LCORL: variants seen among roughly 807,000 people sequenced by gnomAD.
LCORL encodes the protein ligand-dependent nuclear receptor corepressor-like protein.
Under a neutral mutation model 141.8 loss-of-function variants are expected in LCORL, and 41 were observed. The observed-to-expected ratio is 0.29, with a 90% confidence interval of 0.23 to 0.38. The LOEUF (loss-of-function observed/expected upper bound fraction) is 0.38, where lower values mean the gene tolerates loss of function less well. Ranked by LOEUF, LCORL falls within the 10% of genes least tolerant of loss-of-function variation. The pLI, the probability that LCORL is intolerant of heterozygous loss-of-function variation, is 1.00. For missense variants in LCORL, 1,759 were observed against 2,035.0 expected, an observed-to-expected ratio of 0.86 and a Z score of 2.61; for synonymous variants, 618 against 694.1, an observed-to-expected ratio of 0.89 and a Z score of 1.72.
At chr4:17,960,726 G>A (rs548031769) in intron 4 of LCORL, among the ~76,000 whole-genome samples, 2 of 152,164 alleles carry the variant, frequency 1.3e-5, no homozygotes, top group East Asian at 3.9e-4. Context: ...TGTTAGCTGG[G>A]ACTATAGGTA....
chr4:17,904,160 T>C (rs1246524168), intron 5 of LCORL, among the ~76,000 whole-genome samples: 1 of 152,032 alleles, frequency 6.6e-6, no homozygotes, highest in East Asian at 1.9e-4. Flanking sequence ...TGAATTACCA[T>C]CTCTTATAAT....
At chr4:17,860,330 C>A (rs1000853097) in intron 7 of LCORL, among the ~76,000 whole-genome samples, 1 of 152,112 alleles carries the variant, frequency 6.6e-6, no homozygotes, top group Non-Finnish European at 1.5e-5. Flanking sequence ...GCTGGGGAAG[C>A]CTCACAATCA....
chr4:17,936,888 C>T (rs1736955019), intron 4 of LCORL, among the ~76,000 whole-genome samples: 1 of 152,090 alleles, frequency 6.6e-6, no homozygotes, highest in Admixed American at 6.5e-5. Context: ...CAGGAAGTTC[C>T]TAATCACCAC....
At chr4:17,844,789 G>A (rs776846934) in exon 8 of LCORL, 1 of 152,366 alleles carries the variant, frequency 6.6e-6, no homozygotes, top group Non-Finnish European at 1.5e-5. Context: ...CAAAAAGAAA[G>A]GAGCCATGTT....
intron 1 of LCORL, among the ~76,000 whole-genome samples, chr4:18,011,748 G>A (rs1577732031): frequency 2.0e-5 from 3 of 152,168 alleles, no homozygotes; most frequent in South Asian, 2.1e-4. Flanking sequence ...CTTTCTTTTG[G>A]ACTACAACAG....
At chr4:17,883,905 T>C in intron 6 of LCORL, 2 of 1,550,710 alleles carry the variant, frequency 1.3e-6, no homozygotes, top group Non-Finnish European at 1.7e-6. Flanking sequence ...GAAACACTCA[T>C]TTTTCCGCTC....
At chr4:17,976,050 C>A (rs888195527) in intron 1 of LCORL, among the ~76,000 whole-genome samples, 1 of 152,076 alleles carries the variant, frequency 6.6e-6, no homozygotes, top group African/African-American at 2.4e-5. Context: ...TGTCCTTGTT[C>A]TATTGTGTCT....
At chr4:17,865,474 G>C (rs191110717) in intron 7 of LCORL, among the ~76,000 whole-genome samples, 11 of 152,096 alleles carry the variant, frequency 7.2e-5, no homozygotes, top group Non-Finnish European at 1.3e-4. Flanking sequence ...AATTACAGGC[G>C]TGAGTACTGC....
chr4:18,000,743 C>T (rs1447558966), intron 1 of LCORL, among the ~76,000 whole-genome samples: 1 of 152,104 alleles, frequency 6.6e-6, no homozygotes, highest in Non-Finnish European at 1.5e-5. Flanking sequence ...AGTGAGAATA[C>T]TATTCATATT....
At chr4:17,878,301 T>C in intron 6 of LCORL, 88 bp from the exon 7 acceptor site, 3 of 942,112 alleles carry the variant, frequency 3.2e-6, no homozygotes, top group African/African-American at 1.7e-5. Flanking sequence ...AAAAAAGATA[T>C]TTTGGTATTG....
chr4:18,001,388 A>G (rs1721935510), intron 1 of LCORL, among the ~76,000 whole-genome samples: 1 of 152,154 alleles, frequency 6.6e-6, no homozygotes, highest in African/African-American at 2.4e-5. Context: ...AGAATGAAAA[A>G]CGGAAAGGCT....
rs147290667 is a variant in LCORL, at chr4:17,862,135, T to C, written c.5602+11253A>G. 2.2e-4 allele frequency among the ~76,000 whole-genome samples: 33 copies of C among 152,276 alleles called. No individual in the cohort carries two copies. In the East Asian group the frequency reaches 4.8e-3, roughly 22 times the overall value. ...CACCCCACTCTTGGTACCAATTTACTGTATTATTCCATTTTCATGCTGCTG... is the reference window on the plus strand; with the variant it reads ...CACCCCACTCTTGGTACCAATTTACCGTATTATTCCATTTTCATGCTGCTG... On this transcript the variant is annotated intron_variant, in intron 7 of 7. Transcript: ENST00000635767.
chr4:18,010,446 A>ATG (rs989779156), intron 1 of LCORL, among the ~76,000 whole-genome samples: 2 of 151,530 alleles, frequency 1.3e-5, no homozygotes, highest in Admixed American at 6.6e-5. Flanking sequence ...ATATGTATGT[A>ATG]TGTGTGTATA....
chr4:17,932,241 A>G (rs1483788141), intron 4 of LCORL, among the ~76,000 whole-genome samples: 1 of 152,136 alleles, frequency 6.6e-6, no homozygotes, highest in African/African-American at 2.4e-5. Context: ...TTAACAGGGG[A>G]GTTCAATGTT....
intron 6 of LCORL, chr4:17,880,601 T>TTTTTC: frequency 1.0e-6 from 1 of 977,056 alleles, no homozygotes; most frequent in Non-Finnish European, 1.2e-6. Context: ...GTAGTCAGTT[T>TTTTTC]TTTTCTTTTC....
intron 4 of LCORL, among the ~76,000 whole-genome samples, chr4:17,959,132 A>G (rs1274631761): frequency 1.3e-5 from 2 of 152,058 alleles, no homozygotes; most frequent in African/African-American, 4.8e-5. Flanking sequence ...GCATTCCTAC[A>G]ACCTATTTAT....
intron 1 of LCORL, among the ~76,000 whole-genome samples, chr4:18,008,311 C>T (rs1156848102): frequency 1.1e-4 from 16 of 152,174 alleles, no homozygotes; most frequent in Non-Finnish European, 2.9e-5. Context: ...ATCTCTGACA[C>T]TGTGCATTCA....
chr4:17,897,663 A>T (rs1488141038), intron 5 of LCORL, among the ~76,000 whole-genome samples: 1 of 152,314 alleles, frequency 6.6e-6, no homozygotes, highest in African/African-American at 2.4e-5. Flanking sequence ...ATTTTAAAAC[A>T]TTCAATATTT....
chr4:17,978,541 G>A (rs1717399921), intron 1 of LCORL, among the ~76,000 whole-genome samples: 1 of 148,980 alleles, frequency 6.7e-6, no homozygotes, highest in Non-Finnish European at 1.5e-5. Flanking sequence ...AGTCTGAAGT[G>A]AGCTATGATC....
Sources: allele counts gnomAD v4.1 joint callset (sites outside exome capture counted in the v4.1 genomes callset), GRCh38; gene constraint gnomAD v4.1.1; transcripts MANE v1.5; gene names NCBI Gene and HGNC (gene_info 2026-07-23, HGNC 2026-07-21).